CCDC102B: variants seen among roughly 807,000 people sequenced by gnomAD.
The protein encoded by CCDC102B is coiled-coil domain-containing protein 102B.
A neutral mutation model predicts 57.4 loss-of-function variants in CCDC102B; 75 were observed. The observed-to-expected ratio is 1.31, with a 90% confidence interval of 1.08 to 1.58. CCDC102B has a LOEUF of 1.58. Ranked by LOEUF, CCDC102B falls within the 40% of genes most tolerant of loss-of-function variation. The probability of loss-of-function intolerance (pLI) is 0.00; values close to 1 mark genes in which losing one functional copy is unlikely to be tolerated. For synonymous variants in CCDC102B, 206 were observed against 201.9 expected (o/e 1.02, Z -0.17); for missense variants, 636 against 582.6 (o/e 1.09, Z -0.94).
At chr18:68,955,729 T>G (rs370645298) in intron 6 of CCDC102B, among the ~76,000 whole-genome samples, 1 of 152,076 alleles carries the variant, frequency 6.6e-6, no homozygotes, top group East Asian at 1.9e-4. Context: ...TTATAATTTA[T>G]GTATGATAAA....
At chr18:68,773,490 A>G (rs1301183908) in intron 2 of CCDC102B, among the ~76,000 whole-genome samples, 1 of 152,138 alleles carries the variant, frequency 6.6e-6, no homozygotes, top group African/African-American at 2.4e-5. Context: ...AATTTATAAA[A>G]AATTAAATGA....
chr18:69,038,463 G>T lies in CCDC102B; in HGVS notation c.1435-15567G>T, dbSNP rs769713332. 6.2e-4 allele frequency among the ~76,000 whole-genome samples: 94 copies of T among 151,950 alleles called. 1 individual carries two copies. Among genetic ancestry groups the T allele is most frequent in the Non-Finnish European group, 1.2e-3 (79 of 67,920 alleles). On this transcript the variant is annotated intron_variant, in intron 7 of 7. Transcript: ENST00000360242. ...GATTTAGAAATGCCTTCCAAAATGT[G>T]CTCCAATTCATATTACCACCATTCT...
intron 6 of CCDC102B, among the ~76,000 whole-genome samples, chr18:68,945,727 A>G (rs1245064699): frequency 6.6e-6 from 1 of 152,102 alleles, no homozygotes; most frequent in Non-Finnish European, 1.5e-5. Flanking sequence ...TTCCTAGGAG[A>G]GCATATCCAT....
At chr18:68,872,220 G>T (rs754314341) in intron 4 of CCDC102B, among the ~76,000 whole-genome samples, 27 of 152,174 alleles carry the variant, frequency 1.8e-4, no homozygotes, top group Non-Finnish European at 3.5e-4. Flanking sequence ...TGAGTAGGAA[G>T]TTGGACATGT....
chr18:69,006,872 A>ACGCCAGCT (rs1471230539), intron 6 of CCDC102B, among the ~76,000 whole-genome samples: 1 of 152,208 alleles, frequency 6.6e-6, no homozygotes, highest in Non-Finnish European at 1.5e-5. Flanking sequence ...AACAAGGTGA[A>ACGCCAGCT]CGCCAGCTCT....
At chr18:68,727,631 A>C (rs1488630810) in intron 2 of CCDC102B, among the ~76,000 whole-genome samples, 1 of 152,226 alleles carries the variant, frequency 6.6e-6, no homozygotes, top group Non-Finnish European at 1.5e-5. Flanking sequence ...TGCTACTGGC[A>C]GGCCTAACCT....
chr18:68,789,008 C>G (rs2035323639), intron 2 of CCDC102B, among the ~76,000 whole-genome samples: 1 of 152,090 alleles, frequency 6.6e-6, no homozygotes, highest in African/African-American at 2.4e-5. Flanking sequence ...TTCAGGAGCT[C>G]TTTTAGGGCA....
intron 4 of CCDC102B, among the ~76,000 whole-genome samples, chr18:68,861,869 GAAAT>G (rs2038774896): frequency 1.3e-5 from 2 of 152,038 alleles, no homozygotes; most frequent in African/African-American, 2.4e-5. Context: ...GAAGGTGTTA[GAAAT>G]AAATAACTCA....
chr18:68,781,577 C>T (rs2144635797), intron 2 of CCDC102B, among the ~76,000 whole-genome samples: 1 of 152,176 alleles, frequency 6.6e-6, no homozygotes, highest in African/African-American at 2.4e-5. Flanking sequence ...TCCGTGACTT[C>T]TGTGTAATAT....
rs187787268 is a variant in CCDC102B at position 68,941,339 on chromosome 18, G to T, written c.1263+43911G>T. ...AGGTAAATCATAGCACAATTTAGGG[G>T]ATATTATTAAGTTGGAGTCTGTCTT... On this transcript the variant is annotated intron_variant, in intron 6 of 7. Transcript: ENST00000360242. Among the ~76,000 whole-genome samples the T allele has an allele frequency of 2.6e-5, 4 of 151,980 alleles. No homozygotes were observed. In the East Asian group the frequency reaches 7.7e-4, roughly 29 times the overall value.
intron 6 of CCDC102B, among the ~76,000 whole-genome samples, chr18:68,948,262 T>G (rs1213379372): frequency 6.6e-6 from 1 of 152,060 alleles, no homozygotes; most frequent in Non-Finnish European, 1.5e-5. Context: ...ATGTACAGGG[T>G]AATTTCTGTG....
intron 6 of CCDC102B, chr18:68,993,425 A>G (rs1365292893): frequency 6.6e-6 from 1 of 152,240 alleles, no homozygotes; most frequent in African/African-American, 2.4e-5. Context: ...GGATACATAC[A>G]GTTATAGTGA....
intron 1 of CCDC102B, among the ~76,000 whole-genome samples, chr18:68,804,699 A>T (rs945017738): frequency 1.3e-5 from 2 of 152,132 alleles, no homozygotes; most frequent in African/African-American, 4.8e-5. Context: ...TGACCATTAG[A>T]TTTGCAATGT....
intron 6 of CCDC102B, among the ~76,000 whole-genome samples, chr18:68,928,211 G>A (rs535201882): frequency 6.6e-6 from 1 of 151,974 alleles, no homozygotes; most frequent in South Asian, 2.1e-4. Context: ...ATTAAGTTAC[G>A]GTTTCGAGTA....
chr18:69,050,977 T>C (rs979973865), intron 7 of CCDC102B, among the ~76,000 whole-genome samples: 5 of 152,152 alleles, frequency 3.3e-5, no homozygotes, highest in Non-Finnish European at 7.4e-5. Flanking sequence ...CCTGAACTCC[T>C]GGGCCCAAGC....
At chr18:68,723,692 C>G (rs1304733176) in intron 2 of CCDC102B, among the ~76,000 whole-genome samples, 1 of 152,218 alleles carries the variant, frequency 6.6e-6, no homozygotes, top group African/African-American at 2.4e-5. Flanking sequence ...GCAGCTTGGA[C>G]AGCTCCACTC....
chr18:68,849,521 G>A (rs2038028625), intron 4 of CCDC102B, among the ~76,000 whole-genome samples: 1 of 151,912 alleles, frequency 6.6e-6, no homozygotes, highest in Non-Finnish European at 1.5e-5. Flanking sequence ...TTCCTTCCAG[G>A]TCTATTTACC....
intron 7 of CCDC102B, among the ~76,000 whole-genome samples, chr18:69,040,302 T>C (rs748943063): frequency 1.3e-5 from 2 of 151,936 alleles, no homozygotes; most frequent in Non-Finnish European, 2.9e-5. Context: ...TTATATATAA[T>C]ATTTATTTCT....
At chr18:68,862,020 T>C (rs1421053083) in intron 4 of CCDC102B, among the ~76,000 whole-genome samples, 1 of 152,188 alleles carries the variant, frequency 6.6e-6, no homozygotes, top group African/African-American at 2.4e-5. Flanking sequence ...ATTTATATAA[T>C]CATCTCTCTC....
Sources: allele counts gnomAD v4.1 joint callset (sites outside exome capture counted in the v4.1 genomes callset), GRCh38; gene constraint gnomAD v4.1.1; transcripts MANE v1.5; gene names NCBI Gene and HGNC (gene_info 2026-07-23, HGNC 2026-07-21).